Variants in RUNX1 observed in about 807,000 individuals in gnomAD.
RUNX1 encodes the protein runt-related transcription factor 1.
RUNX1 carries 19 observed loss-of-function variants against 42.8 expected under a neutral mutation model. That is an observed-to-expected ratio of 0.44 (90% CI 0.31 to 0.65). The LOEUF is 0.65. RUNX1 is among the 30% of genes least tolerant of loss of function. The pLI is 0.07. For missense variants in RUNX1, 528 were observed against 672.0 expected, an observed-to-expected ratio of 0.79 and a Z score of 2.37; for synonymous variants, 271 against 289.4, an observed-to-expected ratio of 0.94 and a Z score of 0.64.
intron 8 of RUNX1, chr21:34,798,174 A>G: frequency 2.2e-6 from 1 of 455,492 alleles, no homozygotes. Context: ...ATCTGCTATA[A>G]TTTGATCCCA....
At chr21:34,919,255 T>C (rs1016633703) in intron 2 of RUNX1, among the ~76,000 whole-genome samples, 3 of 152,108 alleles carry the variant, frequency 2.0e-5, no homozygotes, top group African/African-American at 7.2e-5. Context: ...CTTAATAAGG[T>C]GGATTTGCAA....
At chr21:34,816,248 T>C (rs551820246) in intron 7 of RUNX1, among the ~76,000 whole-genome samples, 4 of 152,342 alleles carry the variant, frequency 2.6e-5, no homozygotes, top group African/African-American at 9.6e-5. Context: ...CAACGACTCA[T>C]GCACCCCTTT....
intron 2 of RUNX1, among the ~76,000 whole-genome samples, chr21:34,974,179 T>C (rs147936831): frequency 2.0e-5 from 3 of 152,200 alleles, no homozygotes; most frequent in African/African-American, 7.2e-5. Context: ...GCCTGATAGT[T>C]TTCTGTCATC....
intron 2 of RUNX1, among the ~76,000 whole-genome samples, chr21:34,894,880 A>AACACACACACACAC (rs57230115): frequency 3.4e-4 from 44 of 127,960 alleles, no homozygotes; most frequent in Admixed American, 1.1e-3. Flanking sequence ...CCTACATAGA[A>AACACACACACACAC]ACACACACAC....
chr21:34,854,286 TGAA>T (rs756129230), intron 6 of RUNX1, among the ~76,000 whole-genome samples: 8 of 152,144 alleles, frequency 5.3e-5, no homozygotes, highest in Non-Finnish European at 1.2e-4. Context: ...AGTAGCTGAG[TGAA>T]GATTAGGCCC....
intron 2 of RUNX1, among the ~76,000 whole-genome samples, chr21:34,909,758 C>G (rs2058257554): frequency 6.6e-6 from 1 of 152,106 alleles, no homozygotes; most frequent in Non-Finnish European, 1.5e-5. Flanking sequence ...CAAAGTATAG[C>G]CAAGCTGATA....
intron 7 of RUNX1, 111 bp from the exon 8 acceptor site, chr21:34,799,573 G>A (rs2056580346): frequency 1.1e-6 from 1 of 925,094 alleles, no homozygotes; most frequent in South Asian, 1.5e-5. Flanking sequence ...ACATGTATGT[G>A]GCCTATGTAC....
chr21:34,985,124 G>C (rs1250133349), intron 2 of RUNX1, among the ~76,000 whole-genome samples: 1 of 152,138 alleles, frequency 6.6e-6, no homozygotes, highest in Non-Finnish European at 1.5e-5. Context: ...GAAAGTAAGT[G>C]GTCATCCTGA....
intron 2 of RUNX1, among the ~76,000 whole-genome samples, chr21:34,937,684 G>A (rs1569114261): frequency 6.6e-6 from 1 of 150,966 alleles, no homozygotes; most frequent in Non-Finnish European, 1.5e-5. Flanking sequence ...TCTATGAGGT[G>A]GTGCAGTTTC....
chr21:34,887,109 G>A lies in RUNX1; in HGVS notation c.98-13C>T, dbSNP rs1472759880. 2 of 1,597,984 alleles carry A rather than the reference G, an allele frequency of 1.3e-6. No individual in the cohort carries two copies. The highest frequency in any genetic ancestry group is 2.2e-5 in the South Asian group (2 of 91,058). On this transcript the variant is annotated splice_polypyrimidine_tract_variant and intron_variant, in intron 3 of 8. Coordinates refer to ENST00000675419, the MANE Select transcript of RUNX1 (RefSeq NM_001754.5). ...CTCGTGCTGGCATCTACGGGGATAC[G>A]CATCACAACAAGCCGATTGAGTTAG...
intron 2 of RUNX1, among the ~76,000 whole-genome samples, chr21:34,937,320 CAA>C (rs35504628): frequency 6.5e-5 from 8 of 122,186 alleles, no homozygotes; most frequent in Non-Finnish European, 6.7e-5. Context: ...GGCCATCAGC[CAA>C]AAAAAAAAAA....
chr21:34,789,961 G>T lies in RUNX1; in HGVS notation c.*2174C>A. 1 of 233,074 alleles carries T rather than the reference G, an allele frequency of 4.3e-6. No homozygotes were observed. Among genetic ancestry groups the T allele is most frequent in the Non-Finnish European group, 8.5e-6 (1 of 118,002 alleles). 14.4% of individuals were successfully genotyped at this position (233,074 alleles called of 1,614,324 possible). A position where few individuals can be genotyped will look rare whatever the true frequency, so the allele number is the denominator to read the frequency against. Reference sequence around the variant, plus strand: ...AAAAAACATTTACGTTTAATTTGGGGGAAATGGGCTAATGGTGCTTTTCAG... The same window carrying T: ...AAAAAACATTTACGTTTAATTTGGGTGAAATGGGCTAATGGTGCTTTTCAG... On this transcript the variant is annotated 3_prime_UTR_variant, in exon 9 of 9. Coordinates refer to ENST00000675419, the MANE Select transcript of RUNX1 (RefSeq NM_001754.5).
intron 6 of RUNX1, among the ~76,000 whole-genome samples, chr21:34,840,767 C>T (rs952755661): frequency 5.9e-5 from 9 of 152,132 alleles, no homozygotes; most frequent in African/African-American, 2.2e-4. Context: ...ACGAGGTGTC[C>T]TAAGAATTCA....
chr21:34,960,674 C>T (rs529308442), intron 2 of RUNX1, among the ~76,000 whole-genome samples: 21 of 152,260 alleles, frequency 1.4e-4, no homozygotes, highest in Middle Eastern at 3.4e-3. Flanking sequence ...GTGGCTGCAA[C>T]CGTGGCTGAG....
chr21:34,887,219 G>A, intron 3 of RUNX1, 123 bp from the exon 4 acceptor site: 1 of 1,303,380 alleles, frequency 7.7e-7, no homozygotes, highest in South Asian at 1.3e-5. Flanking sequence ...TACACGTTCA[G>A]GGGCCTTTAT....
intron 7 of RUNX1, among the ~76,000 whole-genome samples, chr21:34,813,689 C>G (rs1002586276): frequency 6.6e-6 from 1 of 152,104 alleles, no homozygotes; most frequent in Non-Finnish European, 1.5e-5. Flanking sequence ...TGGGAGGGTA[C>G]AGGCTAGCAC....
rs139843464 is a variant in RUNX1 at position 34,973,964 on chromosome 21, T to C, written c.58+74878A>G. 7.8e-3 allele frequency among the ~76,000 whole-genome samples: 1,188 copies of C among 152,262 alleles called. 9 individuals are homozygous for C. Among genetic ancestry groups the C allele is most frequent in the Middle Eastern group, 0.014 (4 of 294 alleles). On this transcript the variant is annotated intron_variant, in intron 2 of 8. Coordinates refer to ENST00000675419, the MANE Select transcript of RUNX1 (RefSeq NM_001754.5). ...TCTAGCCCACTTTGCCTTTATTATC[T>C]CAATATTTCTGATGAATCGGAATTT... is the stretch of plus-strand genomic sequence containing the variant.
At chr21:34,965,632 A>G (rs143109174) in intron 2 of RUNX1, among the ~76,000 whole-genome samples, 1 of 152,316 alleles carries the variant, frequency 6.6e-6, no homozygotes, top group Non-Finnish European at 1.5e-5. Context: ...GTCCTTGTTT[A>G]CTTTCTGTGG....
chr21:34,805,006 G>T (rs950186203), intron 7 of RUNX1, among the ~76,000 whole-genome samples: 1 of 152,020 alleles, frequency 6.6e-6, no homozygotes, highest in Non-Finnish European at 1.5e-5. Flanking sequence ...ACCCACTTCG[G>T]CCTTCCAAAG....
Sources: allele counts gnomAD v4.1 joint callset (sites outside exome capture counted in the v4.1 genomes callset), GRCh38; gene constraint gnomAD v4.1.1; transcripts MANE v1.5; gene names NCBI Gene and HGNC (gene_info 2026-07-23, HGNC 2026-07-21).